CD274: variants seen among roughly 807,000 people sequenced by gnomAD.
CD274 encodes the protein programmed cell death 1 ligand 1.
A neutral mutation model predicts 30.1 loss-of-function variants in CD274; 8 were observed. The observed-to-expected ratio is 0.27, with a 90% confidence interval of 0.16 to 0.48. The LOEUF is 0.48. CD274 is among the 20% of genes least tolerant of loss of function. The pLI is 0.99. For synonymous variants in CD274, 152 were observed against 124.6 expected, an observed-to-expected ratio of 1.22 and a Z score of -1.46; for missense variants, 353 against 346.6, an observed-to-expected ratio of 1.02 and a Z score of -0.15.
In CD274 at chr9:5,465,483, T is replaced by G; in HGVS notation, c.683-16T>G. 1 of 1,489,372 alleles carries G rather than the reference T, an allele frequency of 6.7e-7. No individual in the cohort carries two copies. The allele number at this position is 1,489,372 out of a possible 1,614,324, so 92.3% of individuals were successfully genotyped here. On this transcript the variant is annotated splice_polypyrimidine_tract_variant and intron_variant, in intron 4 of 6. Coordinates refer to ENST00000381577, the MANE Select transcript of CD274 (RefSeq NM_014143.4). Reference sequence around the variant, plus strand: ...TATCTTTAGTCAGTTTGTTTTCGTTTTGTTTTGTTTTTCAGAACTACCTCT... The same window carrying G: ...TATCTTTAGTCAGTTTGTTTTCGTTGTGTTTTGTTTTTCAGAACTACCTCT...
chr9:5,458,061 T>C (rs1379314262), intron 3 of CD274, among the ~76,000 whole-genome samples: 1 of 152,236 alleles, frequency 6.6e-6, no homozygotes, highest in Non-Finnish European at 1.5e-5. Context: ...TGGGCATATA[T>C]TCATCTTGAA....
chr9:5,466,907 CA>C, intron 6 of CD274, 78 bp downstream of exon 6: 1 of 1,022,682 alleles, frequency 9.8e-7, no homozygotes, highest in Non-Finnish European at 1.5e-6. Flanking sequence ...AGAAATCCAT[CA>C]GTCATAATCT....
Position 5,456,416 on chromosome 9 carries a change from A to G in CD274, c.52+251A>G, listed in dbSNP as rs142672252. ...CAAAATAATCTATTACCCATTTCCC[A>G]GGGTTAACTACTGAAAATATCTGGG... On this transcript the variant is annotated intron_variant, in intron 2 of 6. Coordinates refer to ENST00000381577, the MANE Select transcript of CD274 (RefSeq NM_014143.4). Among the ~76,000 whole-genome samples the G allele has an allele frequency of 3.3e-5, 5 of 152,316 alleles. No individual in the cohort carries two copies. The East Asian group carries it at 5.8e-4, about 18-fold the overall frequency.
At chr9:5,467,202 AAGAGAGAGAG>A (rs79234686) in intron 6 of CD274, among the ~76,000 whole-genome samples, 21 of 149,622 alleles carry the variant, frequency 1.4e-4, no homozygotes, top group African/African-American at 4.9e-4. Flanking sequence ...GCCATTACCA[AAGAGAGAGAG>A]AGAGAGAGAG....
chr9:5,451,592 T>C (rs1056389296), intron 1 of CD274, among the ~76,000 whole-genome samples: 10 of 152,328 alleles, frequency 6.6e-5, no homozygotes, highest in Middle Eastern at 6.8e-3. Flanking sequence ...ACTATGATAC[T>C]CTGAAGAAAA....
chr9:5,457,682 T>C (rs991693844), intron 3 of CD274, among the ~76,000 whole-genome samples: 2 of 152,196 alleles, frequency 1.3e-5, no homozygotes, highest in Admixed American at 1.3e-4. Context: ...TTTCTAGTCT[T>C]TACTTTTTTA....
intron 6 of CD274, 56 bp from the exon 7 acceptor site, chr9:5,467,784 T>C (rs1364923598): frequency 7.3e-7 from 1 of 1,371,748 alleles, no homozygotes; most frequent in East Asian, 2.3e-5. Flanking sequence ...AGATTTCTTG[T>C]TACTTTTTCC....
At position 5,468,473 on chromosome 9, in the gene CD274, T is replaced by G. The variant is rs1409440394; in HGVS notation, c.*611T>G. On this transcript the variant is annotated 3_prime_UTR_variant, in exon 7 of 7. Coordinates refer to ENST00000381577, the MANE Select transcript of CD274 (RefSeq NM_014143.4). ...CACATCTAGTAAAACATGGAGTATT[T>G]GTAAGGTGCTTGGTCTCCTCTATAA... is the stretch of plus-strand genomic sequence containing the variant. 1.3e-5 allele frequency: 3 copies of G among 233,164 alleles called. No individual in the cohort carries two copies. The highest frequency in any genetic ancestry group is 2.5e-5 in the Non-Finnish European group (3 of 118,104). The allele number at this position is 233,164 out of a possible 1,614,324, so 14.4% of individuals were successfully genotyped here. A position where few individuals can be genotyped will look rare whatever the true frequency, so the allele number is the denominator to read the frequency against.
At chr9:5,460,710 T>C (rs1819388962) in intron 3 of CD274, among the ~76,000 whole-genome samples, 1 of 152,230 alleles carries the variant, frequency 6.6e-6, no homozygotes, top group African/African-American at 2.4e-5. Context: ...TCAAGTTATA[T>C]GTTGACTTCA....
chr9:5,457,289 T>G lies in CD274; in HGVS notation c.263T>G (p.Leu88Trp), dbSNP rs2131212276. ...HSSYRQRARL[L>W]KDQLSLGNAA... ...AGCTACAGACAGAGGGCCCGGCTGTTGAAGGACCAGCTCTCCCTGGGAAAT... is the reference window on the plus strand; with the variant it reads ...AGCTACAGACAGAGGGCCCGGCTGTGGAAGGACCAGCTCTCCCTGGGAAAT... The change falls in exon 3 of 7, where the codon TTG becomes TGG. Residue 88 changes from leucine (L) to tryptophan (W), a missense_variant. By Grantham distance (61) the Leu-to-Trp change is moderately conservative (BLOSUM62 -2). Coordinates refer to ENST00000381577, the MANE Select transcript of CD274 (RefSeq NM_014143.4). The G allele has an allele frequency of 6.2e-7, 1 of 1,614,040 alleles. No homozygotes were observed. The highest frequency in any genetic ancestry group is 8.5e-7 in the Non-Finnish European group (1 of 1,179,994).
chr9:5,460,003 G>GTC (rs60520638), intron 3 of CD274, among the ~76,000 whole-genome samples: 37,090 of 151,242 alleles, frequency 0.25, 5,446 homozygotes, highest in East Asian at 0.6. Context: ...TTTGTTTATT[G>GTC]TCTCTCTCCT....
Position 5,469,978 on chromosome 9 carries a change from G to A in CD274, c.*2116G>A, listed in dbSNP as rs1819563007. On this transcript the variant is annotated 3_prime_UTR_variant, in exon 7 of 7. Transcript: ENST00000381577. ...GTGTACCTTGACTGCTAGCTACCCT[G>A]TGCCAGAAAAGCCTCATTCGTTGTG... is the stretch of plus-strand genomic sequence containing the variant. The A allele has an allele frequency of 4.3e-6, 1 of 233,182 alleles. No individual in the cohort carries two copies. Among genetic ancestry groups the A allele is most frequent in the East Asian group, 6.0e-5 (1 of 16,588 alleles). 14.4% of individuals were successfully genotyped at this position (233,182 alleles called of 1,614,324 possible).
In CD274 at chr9:5,468,981, C is replaced by A. The variant is rs916397649; in HGVS notation, c.*1119C>A. On this transcript the variant is annotated 3_prime_UTR_variant, in exon 7 of 7. Coordinates refer to ENST00000381577, the MANE Select transcript of CD274 (RefSeq NM_014143.4). ...GCTCATAGTATAATGAGGAGATTAA[C>A]AAGAAAATGTATTATTACAATTTAG... 4.3e-6 allele frequency: 1 copy of A among 232,932 alleles called. No individual in the cohort carries two copies. The highest frequency in any genetic ancestry group is 2.2e-5 in the African/African-American group (1 of 45,292). 14.4% of individuals were successfully genotyped at this position (232,932 alleles called of 1,614,324 possible).
rs1237820071 is a variant in CD274 at position 5,467,940 on chromosome 9, A to T, written c.*78A>T. The T allele has an allele frequency of 3.9e-6, 5 of 1,297,396 alleles. No individual in the cohort carries two copies. Among genetic ancestry groups the T allele is most frequent in the Non-Finnish European group, 5.6e-6 (5 of 891,560 alleles). The allele number at this position is 1,297,396 out of a possible 1,614,324, so 80.4% of individuals were successfully genotyped here. ...GGGGTTCATCGGGGCTGAGCGTGAC[A>T]AGAGGAAGGAATGGGCCCGTGGGAT... On this transcript the variant is annotated 3_prime_UTR_variant, in exon 7 of 7. Transcript: ENST00000381577.
intron 1 of CD274, among the ~76,000 whole-genome samples, chr9:5,452,205 T>C (rs865938249): frequency 9.9e-5 from 15 of 151,914 alleles, no homozygotes; most frequent in African/African-American, 3.6e-4. Context: ...TTAGTAGAAA[T>C]GGGGTTTCAC....
intron 3 of CD274, among the ~76,000 whole-genome samples, chr9:5,461,399 A>C (rs1443688560): frequency 6.6e-6 from 1 of 152,214 alleles, no homozygotes; most frequent in Non-Finnish European, 1.5e-5. Context: ...CCTACACATA[A>C]GAACTATTAT....
chr9:5,451,566 A>G (rs1181507203), intron 1 of CD274, among the ~76,000 whole-genome samples: 1 of 152,244 alleles, frequency 6.6e-6, no homozygotes, highest in Non-Finnish European at 1.5e-5. Flanking sequence ...ACAGTCGTCA[A>G]CAGTATTTAA....
At chr9:5,463,189 C>G (rs967565519) in intron 4 of CD274, 68 bp downstream of exon 4, 1 of 1,175,816 alleles carries the variant, frequency 8.5e-7, no homozygotes, top group African/African-American at 1.5e-5. Context: ...ATGATGTCTG[C>G]CTATCATAGT....
chr9:5,466,974 C>T (rs986048752), intron 6 of CD274, 145 bp downstream of exon 6: 479 of 605,690 alleles, frequency 7.9e-4, no homozygotes, highest in Non-Finnish European at 8.7e-4. Flanking sequence ...CACAAGAACT[C>T]CTCCACCGTC....
Sources: gnomAD v4.1 joint callset for allele counts (sites outside exome capture counted in the v4.1 genomes callset) on GRCh38, gnomAD v4.1.1 for gene constraint, MANE v1.5 for transcripts, NCBI Gene and HGNC (gene_info 2026-07-23, HGNC 2026-07-21) for gene names.